Variants in AGFG1 observed in about 807,000 individuals in gnomAD.
AGFG1 encodes the protein ArfGAP with FG repeats 1, also known as arf-GAP domain and FG repeat-containing protein 1.
A neutral mutation model predicts 60.6 loss-of-function variants in AGFG1; 10 were observed. The observed-to-expected ratio is 0.16, with a 90% CI of 0.10 to 0.28. The LOEUF is 0.28. Ranked by LOEUF, AGFG1 falls within the 10% of genes least tolerant of loss-of-function variation. The pLI is 1.00. For missense variants in AGFG1, 537 were observed against 676.5 expected (o/e 0.79, Z 2.29); for synonymous variants, 247 against 242.9 (o/e 1.02, Z -0.16).
chr2:227,492,600 C>G (rs1288889057), intron 2 of AGFG1, among the ~76,000 whole-genome samples: 1 of 151,882 alleles, frequency 6.6e-6, no homozygotes, highest in African/African-American at 2.4e-5. Flanking sequence ...AATTGTTTGC[C>G]TACTTGTGAT....
At position 227,552,098 on chromosome 2, in the gene AGFG1, T is replaced by C. The variant is rs1258827773; in HGVS notation, c.1518T>C (p.Ala506=). The C allele has an allele frequency of 1.2e-6, 2 of 1,614,196 alleles. No individual in the cohort carries two copies. The highest frequency in any genetic ancestry group is 1.7e-6 in the Non-Finnish European group (2 of 1,180,020). The change falls in exon 11 of 13, where the codon GCT becomes GCC. Residue 506 remains alanine (A), a synonymous_variant. Transcript: ENST00000310078. ...PAQAAFPQQT[A]FSQQPNGAGF... ...AAGCAGCTTTCCCTCAACAGACAGC[T>C]TTTTCTCAACAGCCCAATGGTAAGA...
At chr2:227,526,842 C>T (rs188835796) in intron 5 of AGFG1, among the ~76,000 whole-genome samples, 7 of 152,300 alleles carry the variant, frequency 4.6e-5, no homozygotes, top group Admixed American at 4.6e-4. Flanking sequence ...CTCTGCCCGG[C>T]CCTAAAGATA....
intron 8 of AGFG1, 125 bp downstream of exon 8, chr2:227,535,150 G>T: frequency 9.2e-7 from 1 of 1,087,460 alleles, no homozygotes; most frequent in South Asian, 2.0e-5. Flanking sequence ...TTGTAAATTT[G>T]AGGAATTTGA....
chr2:227,559,554 ATGT>A lies in AGFG1; in HGVS notation c.*5063_*5065del, dbSNP rs1457079204. 2.0e-5 allele frequency: 3 copies of A among 152,170 alleles called. No homozygotes were observed. The highest frequency in any genetic ancestry group is 2.9e-5 in the Non-Finnish European group (2 of 68,010). The allele number at this position is 152,170 out of a possible 1,614,324, so 9.4% of individuals were successfully genotyped here. A position where few individuals can be genotyped will look rare whatever the true frequency, so the allele number is the denominator to read the frequency against. On this transcript the variant is annotated 3_prime_UTR_variant, in exon 13 of 13. Transcript: ENST00000310078. Reference sequence around the variant, plus strand: ...GGCTGTAGGGACTGATGAAAAGAGAATGTTGTGATTTGAGCTTTTATAAAAAAA... The same window carrying A: ...GGCTGTAGGGACTGATGAAAAGAGAATGTGATTTGAGCTTTTATAAAAAAA...
chr2:227,536,892 T>G lies in AGFG1; in HGVS notation c.1286-9T>G, dbSNP rs1035884535. The G allele has an allele frequency of 9.9e-6, 16 of 1,609,138 alleles. No individual in the cohort carries two copies. The highest frequency in any genetic ancestry group is 1.4e-5 in the Non-Finnish European group (16 of 1,177,730). ...AGGATTTTATAGTGTATTTTATAAT[T>G]TTTTAAAGCTACGCCTTCCACAAAT... On this transcript the variant is annotated splice_polypyrimidine_tract_variant and intron_variant, in intron 9 of 12. Coordinates refer to ENST00000310078, the MANE Select transcript of AGFG1 (RefSeq NM_004504.5).
rs749892937 is a variant in AGFG1, at chr2:227,472,387, C to T, written c.-35C>T. ...CCCCGGCGCAGCGCTGCCCGGCTCC[C>T]GGCCCTGCCGGCCTCCTCCCTTGGC... On this transcript the variant is annotated 5_prime_UTR_variant, in exon 1 of 13. Transcript: ENST00000310078. 13 of 1,338,174 alleles carry T rather than the reference C, an allele frequency of 9.7e-6. No individual in the cohort carries two copies. Among genetic ancestry groups the T allele is most frequent in the East Asian group, 7.7e-5 (2 of 26,014 alleles). 82.9% of individuals were successfully genotyped at this position (1,338,174 alleles called of 1,614,324 possible).
Position 227,558,939 on chromosome 2 carries a change from T to C in AGFG1, c.*4444T>C, listed in dbSNP as rs933135268. The C allele has an allele frequency of 6.6e-6, 1 of 152,226 alleles. No individual in the cohort carries two copies. The highest frequency in any genetic ancestry group is 2.4e-5 in the African/African-American group (1 of 41,476). The allele number at this position is 152,226 out of a possible 1,614,324, so 9.4% of individuals were successfully genotyped here. A position where few individuals can be genotyped will look rare whatever the true frequency, so the allele number is the denominator to read the frequency against. On this transcript the variant is annotated 3_prime_UTR_variant, in exon 13 of 13. Transcript: ENST00000310078. ...TCCACAACTCATTAATTAAATGTAT[T>C]GGTCATTTGATGATTATATCCAGTA...
intron 1 of AGFG1, among the ~76,000 whole-genome samples, chr2:227,477,099 G>T (rs10166525): frequency 0.54 from 82,506 of 151,766 alleles, 22,984 homozygotes; most frequent in South Asian, 0.72. Flanking sequence ...ACTGGGTTTC[G>T]CCATGTTGGC....
Position 227,496,121 on chromosome 2 carries a change from A to AAG in AGFG1, c.261+4482_261+4483insGA, listed in dbSNP as rs1559172648. Reference sequence around the variant, plus strand: ...GAGTGAGACTGTCTCAAAAAAAAAAAAAAGAAAAAAAAAGAAGACATTATT... The same window carrying AAG: ...GAGTGAGACTGTCTCAAAAAAAAAAAAGAAAGAAAAAAAAAGAAGACATTATT... On this transcript the variant is annotated intron_variant, in intron 2 of 12. Transcript: ENST00000310078. 7.0e-5 allele frequency among the ~76,000 whole-genome samples: 10 copies of AAG among 142,954 alleles called. 2 individuals carry two copies. The highest frequency in any genetic ancestry group is 1.2e-4 in the Non-Finnish European group (8 of 66,426). The allele number at this position is 142,954 out of a possible 152,430, so 93.8% of individuals were successfully genotyped here.
chr2:227,493,981 A>G (rs1690899276), intron 2 of AGFG1, among the ~76,000 whole-genome samples: 1 of 152,244 alleles, frequency 6.6e-6, no homozygotes, highest in South Asian at 2.1e-4. Flanking sequence ...TGGAGCAAAC[A>G]GTACAAAAAG....
At chr2:227,479,878 G>A (rs1690403824) in intron 1 of AGFG1, among the ~76,000 whole-genome samples, 1 of 152,224 alleles carries the variant, frequency 6.6e-6, no homozygotes, top group East Asian at 1.9e-4. Context: ...AAATTCATGA[G>A]CTATTCAGTG....
chr2:227,550,054 A>G (rs1472474334), intron 10 of AGFG1: 1 of 454,156 alleles, frequency 2.2e-6, no homozygotes, highest in Non-Finnish European at 4.5e-6. Flanking sequence ...ATGGCTTTCC[A>G]TAAGGCCTTT....
chr2:227,546,644 A>T (rs1692656395), intron 10 of AGFG1, among the ~76,000 whole-genome samples: 1 of 152,212 alleles, frequency 6.6e-6, no homozygotes, highest in Admixed American at 6.5e-5. Context: ...GTAGCTTTTT[A>T]AAAAACTGTA....
At chr2:227,520,361 A>T (rs1278800130) in intron 3 of AGFG1, among the ~76,000 whole-genome samples, 1 of 152,138 alleles carries the variant, frequency 6.6e-6, no homozygotes, top group Non-Finnish European at 1.5e-5. Context: ...GTTTTGCCCT[A>T]CAAAGCCTCC....
intron 1 of AGFG1, among the ~76,000 whole-genome samples, chr2:227,475,353 A>C (rs921966486): frequency 7.2e-5 from 11 of 152,314 alleles, no homozygotes; most frequent in Middle Eastern, 3.4e-3. Flanking sequence ...AACTGGACAC[A>C]TGTTCTAACC....
chr2:227,472,472 G>A lies in AGFG1; in HGVS notation c.51G>A (p.Leu17=). 1.3e-6 allele frequency: 2 copies of A among 1,573,476 alleles called. No homozygotes were observed. Among genetic ancestry groups the A allele is most frequent in the South Asian group, 1.1e-5 (1 of 88,040 alleles). ...RKQEEKHLKM[L]RDMTGLPHNR... is the part of the protein sequence containing the mutation. ...AGGAGGAGAAGCACCTGAAGATGCTGCGGGACATGACCGGCCTCCCGCACA... is the reference window on the plus strand; with the variant it reads ...AGGAGGAGAAGCACCTGAAGATGCTACGGGACATGACCGGCCTCCCGCACA... The change falls in exon 1 of 13, where the codon CTG becomes CTA. Residue 17 remains leucine, a synonymous_variant. Coordinates refer to ENST00000310078, the MANE Select transcript of AGFG1 (RefSeq NM_004504.5).
intron 1 of AGFG1, among the ~76,000 whole-genome samples, chr2:227,489,235 T>G (rs1469662262): frequency 2.1e-5 from 3 of 142,526 alleles, no homozygotes; most frequent in Non-Finnish European, 4.6e-5. Flanking sequence ...TTTTTTTTTT[T>G]TTTTTTTTTT....
chr2:227,500,690 A>C (rs980067040), intron 2 of AGFG1, among the ~76,000 whole-genome samples: 1 of 152,210 alleles, frequency 6.6e-6, no homozygotes, highest in African/African-American at 2.4e-5. Flanking sequence ...TCCATTCATC[A>C]GTCCATCTGA....
intron 10 of AGFG1, among the ~76,000 whole-genome samples, chr2:227,548,929 TC>T (rs1328683450): frequency 6.6e-6 from 1 of 151,646 alleles, no homozygotes; most frequent in Non-Finnish European, 1.5e-5. Context: ...AGAGCGAGAC[TC>T]CGTCTCAAAA....
Sources: gnomAD v4.1 joint callset for allele counts (sites outside exome capture counted in the v4.1 genomes callset) on GRCh38, gnomAD v4.1.1 for gene constraint, MANE v1.5 for transcripts, NCBI Gene and HGNC (gene_info 2026-07-23, HGNC 2026-07-21) for gene names.